WWOX: variants seen among roughly 807,000 people sequenced by gnomAD.
WWOX encodes the protein WW domain-containing oxidoreductase.
In WWOX, 69 loss-of-function variants were observed where a neutral mutation model predicts 46.2. The ratio of observed to expected loss-of-function variants is 1.49; its 90% CI spans 1.23 to 1.82. The LOEUF (loss-of-function observed/expected upper bound fraction) is 1.82, where lower values mean the gene tolerates loss of function less well. Ranked by LOEUF, WWOX falls within the 40% of genes most tolerant of loss-of-function variation. The pLI is 0.00. For missense variants in WWOX, 919 were observed against 542.6 expected, an observed-to-expected ratio of 1.69 and a Z score of -6.89; for synonymous variants, 359 against 202.6, an observed-to-expected ratio of 1.77 and a Z score of -6.56.
At chr16:79,050,487 G>A (rs577989243) in intron 8 of WWOX, among the ~76,000 whole-genome samples, 132 of 152,304 alleles carry the variant, frequency 8.7e-4, no homozygotes, top group African/African-American at 2.9e-3. Context: ...CCATTCCTCT[G>A]TCACACACTG....
At chr16:78,312,981 C>A (rs541122960) in intron 5 of WWOX, among the ~76,000 whole-genome samples, 1 of 152,194 alleles carries the variant, frequency 6.6e-6, no homozygotes, top group Admixed American at 6.5e-5. Context: ...TAAGTAGATA[C>A]CTGTTGAGTG....
At chr16:78,302,386 C>G (rs994360783) in intron 5 of WWOX, among the ~76,000 whole-genome samples, 5 of 152,146 alleles carry the variant, frequency 3.3e-5, no homozygotes, top group South Asian at 2.1e-4. Flanking sequence ...CTCAGCCTCT[C>G]TTTTTCAGCC....
At chr16:78,142,816 A>G (rs1432286001) in intron 4 of WWOX, among the ~76,000 whole-genome samples, 6 of 152,218 alleles carry the variant, frequency 3.9e-5, no homozygotes, top group Admixed American at 1.3e-4. Context: ...TGTTGAAGGA[A>G]TATTTTTAGC....
At chr16:78,775,274 T>G (rs2050161480) in intron 8 of WWOX, among the ~76,000 whole-genome samples, 1 of 152,102 alleles carries the variant, frequency 6.6e-6, no homozygotes, top group African/African-American at 2.4e-5. Context: ...ATCTTGTGGG[T>G]TTGAAATTTA....
chr16:78,304,450 C>A (rs2080096948), intron 5 of WWOX, among the ~76,000 whole-genome samples: 6 of 152,154 alleles, frequency 3.9e-5, no homozygotes, highest in Admixed American at 3.9e-4. Flanking sequence ...AATGAGAATC[C>A]TTTCAGAAAT....
At chr16:79,206,561 A>C (rs910909890) in intron 8 of WWOX, 1 of 152,206 alleles carries the variant, frequency 6.6e-6, no homozygotes, top group Non-Finnish European at 1.5e-5. Context: ...TAACCTCTCA[A>C]TAAATGCTAG....
intron 8 of WWOX, among the ~76,000 whole-genome samples, chr16:78,733,380 A>T (rs1346199666): frequency 2.0e-5 from 3 of 152,074 alleles, no homozygotes; most frequent in African/African-American, 7.2e-5. Context: ...GCTGGAGCCC[A>T]GGAGGTTGAG....
At chr16:79,012,030 C>T (rs2047320881) in intron 8 of WWOX, among the ~76,000 whole-genome samples, 1 of 152,108 alleles carries the variant, frequency 6.6e-6, no homozygotes, top group African/African-American at 2.4e-5. Context: ...TCAGGGATCC[C>T]TCTGGCTACT....
intron 8 of WWOX, among the ~76,000 whole-genome samples, chr16:79,163,913 G>C (rs922279260): frequency 6.7e-6 from 1 of 148,588 alleles, no homozygotes; most frequent in Non-Finnish European, 1.5e-5. Flanking sequence ...TGATCTGGCT[G>C]TATCTGTCGA....
intron 8 of WWOX, among the ~76,000 whole-genome samples, chr16:78,710,035 G>A (rs774914535): frequency 8.7e-4 from 132 of 152,182 alleles, no homozygotes; most frequent in Non-Finnish European, 8.8e-4. Flanking sequence ...CCGGCCGATA[G>A]TTGCCTTTCT....
intron 5 of WWOX, among the ~76,000 whole-genome samples, chr16:78,381,167 C>A (rs1387967338): frequency 6.6e-6 from 1 of 152,128 alleles, no homozygotes; most frequent in Non-Finnish European, 1.5e-5. Flanking sequence ...CCACACACTC[C>A]CCATATGGTT....
At chr16:78,726,852 A>C (rs1204133814) in intron 8 of WWOX, among the ~76,000 whole-genome samples, 2 of 152,226 alleles carry the variant, frequency 1.3e-5, no homozygotes, top group East Asian at 3.9e-4. Context: ...TCATCTGTAC[A>C]ATGAGAGTTG....
At chr16:78,743,171 G>C (rs2049271904) in intron 8 of WWOX, among the ~76,000 whole-genome samples, 1 of 152,068 alleles carries the variant, frequency 6.6e-6, no homozygotes. Context: ...TCAGTTCCCA[G>C]GCAAGGTTCA....
At chr16:78,226,820 T>A (rs965820911) in intron 5 of WWOX, among the ~76,000 whole-genome samples, 3 of 152,286 alleles carry the variant, frequency 2.0e-5, no homozygotes, top group African/African-American at 7.2e-5. Flanking sequence ...CAGCCTTCCC[T>A]ACCTGCTGAG....
intron 8 of WWOX, among the ~76,000 whole-genome samples, chr16:78,578,491 A>G (rs1363275764): frequency 2.0e-5 from 3 of 151,054 alleles, no homozygotes; most frequent in East Asian, 1.9e-4. Context: ...GGGTTTCACC[A>G]TGTTATCAGG....
At chr16:78,984,373 C>T (rs370357818) in intron 8 of WWOX, among the ~76,000 whole-genome samples, 30 of 152,174 alleles carry the variant, frequency 2.0e-4, no homozygotes, top group African/African-American at 7.2e-4. Flanking sequence ...TATAGAGGCC[C>T]GTAAAATTAA....
chr16:78,865,265 CCTT>C (rs950223164), intron 8 of WWOX, among the ~76,000 whole-genome samples: 35 of 151,726 alleles, frequency 2.3e-4, no homozygotes, highest in African/African-American at 8.0e-4. Context: ...TATTTTTTTC[CCTT>C]CTTCACTTTC....
intron 7 of WWOX, among the ~76,000 whole-genome samples, chr16:78,431,575 T>A (rs1008293309): frequency 3.3e-5 from 5 of 152,168 alleles, no homozygotes; most frequent in African/African-American, 1.2e-4. Context: ...ATCTTTGAAC[T>A]TCCTGTTGAA....
chr16:78,114,159 A>G (rs1432261599), intron 3 of WWOX, among the ~76,000 whole-genome samples: 1 of 146,924 alleles, frequency 6.8e-6, no homozygotes, highest in South Asian at 2.2e-4. Flanking sequence ...GTGCAGTGGC[A>G]CAATCATGGC....
Sources: allele counts gnomAD v4.1 joint callset (sites outside exome capture counted in the v4.1 genomes callset), GRCh38; gene constraint gnomAD v4.1.1; transcripts MANE v1.5; gene names NCBI Gene and HGNC (gene_info 2026-07-23, HGNC 2026-07-21).